The following ENOSF1 variants were observed in gnomAD, a reference collection of about 807,000 sequenced individuals.
ENOSF1 encodes the protein enolase superfamily member 1.
ENOSF1 carries 73 observed loss-of-function variants against 68.2 expected under a neutral mutation model. That is an observed-to-expected ratio of 1.07 (90% CI 0.89 to 1.30). The LOEUF (loss-of-function observed/expected upper bound fraction) is 1.30. ENOSF1 is among the 50% of genes most tolerant of loss of function. The pLI is 0.00. For synonymous variants in ENOSF1, 223 were observed against 210.4 expected (o/e 1.06, Z -0.52); for missense variants, 589 against 554.5 (o/e 1.06, Z -0.62).
intron 2 of ENOSF1, among the ~76,000 whole-genome samples, chr18:699,025 T>C (rs2078044582): frequency 6.6e-6 from 1 of 152,142 alleles, no homozygotes; most frequent in South Asian, 2.1e-4. Flanking sequence ...TTTTTAAATT[T>C]TTTGTAGTGA....
At chr18:704,111 C>T (rs997936237) in intron 2 of ENOSF1, among the ~76,000 whole-genome samples, 4 of 152,028 alleles carry the variant, frequency 2.6e-5, no homozygotes, top group African/African-American at 9.7e-5. Flanking sequence ...TATAAATTAT[C>T]CAGTCTCTCG....
chr18:664,201 G>T, the ENOSF1 span, among the ~76,000 whole-genome samples: 1 of 151,918 alleles, frequency 6.6e-6, no homozygotes, highest in Non-Finnish European at 1.5e-5. Flanking sequence ...ATTGAGCAGT[G>T]GTTTGTAGTT....
chr18:670,519 C>T lies in ENOSF1; in HGVS notation c.*3786G>A, dbSNP rs1252918547. 1.4e-5 allele frequency: 9 copies of T among 640,212 alleles called. No homozygotes were observed. The highest frequency in any genetic ancestry group is 2.1e-5 in the Non-Finnish European group (8 of 373,350). 39.7% of individuals were successfully genotyped at this position (640,212 alleles called of 1,614,324 possible). ...CCTTGCACCGATGGATAGTCTCCCTCAGCTCCGTGCCATCGCTGCAGAGGC... is the reference window on the plus strand; with the variant it reads ...CCTTGCACCGATGGATAGTCTCCCTTAGCTCCGTGCCATCGCTGCAGAGGC... On this transcript the variant is annotated 3_prime_UTR_variant, in exon 16 of 16. Transcript: ENST00000647584.
chr18:693,762 A>T, intron 5 of ENOSF1, 120 bp downstream of exon 5: 1 of 1,494,450 alleles, frequency 6.7e-7, no homozygotes, highest in Non-Finnish European at 8.9e-7. Flanking sequence ...TTTTTGCTTT[A>T]TCATCGCTAT....
At chr18:700,549 C>T (rs946815540) in intron 2 of ENOSF1, among the ~76,000 whole-genome samples, 6 of 152,134 alleles carry the variant, frequency 3.9e-5, no homozygotes, top group African/African-American at 1.4e-4. Flanking sequence ...ATGGATTTTT[C>T]TTGCTCAACA....
chr18:683,597 A>C (rs913657735), intron 10 of ENOSF1, among the ~76,000 whole-genome samples: 7 of 151,970 alleles, frequency 4.6e-5, no homozygotes, highest in African/African-American at 1.7e-4. Flanking sequence ...CTTTAGGAGG[A>C]GCCGTGAATC....
Position 671,442 on chromosome 18 carries a change from G to A in ENOSF1, c.*2863C>T, listed in dbSNP as rs549187782. ...TTTACCTGAATCACATCGAGCCACT[G>A]AAAATTCAGGTAAGAATTAGATGTT... On this transcript the variant is annotated 3_prime_UTR_variant, in exon 16 of 16. Coordinates refer to ENST00000647584, the MANE Select transcript of ENOSF1 (RefSeq NM_017512.7). The A allele has an allele frequency of 1.4e-5, 23 of 1,608,162 alleles. No homozygotes were observed. The African/African-American group carries it at 2.4e-4, about 17-fold the overall frequency.
chr18:664,746 A>C, the ENOSF1 span, among the ~76,000 whole-genome samples: 1 of 150,810 alleles, frequency 6.6e-6, no homozygotes, highest in Non-Finnish European at 1.5e-5. Context: ...GAATTTTGTC[A>C]AAGGCCTTTT....
chr18:664,549 A>G, the ENOSF1 span, among the ~76,000 whole-genome samples: 3 of 135,692 alleles, frequency 2.2e-5, no homozygotes, highest in Non-Finnish European at 4.7e-5. Context: ...AACTTCCAAC[A>G]CTATGTTGAA....
chr18:684,522 C>G (rs1453221392), intron 10 of ENOSF1, among the ~76,000 whole-genome samples: 2 of 151,922 alleles, frequency 1.3e-5, no homozygotes, highest in African/African-American at 2.4e-5. Flanking sequence ...GAGTGAGACC[C>G]TATCTCAAAA....
downstream of ENOSF1, chr18:669,319 C>A: frequency 5.6e-5 from 30 of 535,614 alleles, no homozygotes; most frequent in Middle Eastern, 3.0e-4. Flanking sequence ...GGGCAAGTCA[C>A]ATTTTGCTGC....
intron 2 of ENOSF1, among the ~76,000 whole-genome samples, chr18:699,805 C>T (rs138777762): frequency 6.6e-6 from 1 of 152,112 alleles, no homozygotes. Context: ...CCAGGCTGGG[C>T]GCGGTGGCTC....
downstream of ENOSF1, among the ~76,000 whole-genome samples, chr18:670,121 G>A (rs1346877497): frequency 1.3e-5 from 2 of 151,210 alleles, no homozygotes; most frequent in Admixed American, 1.3e-4. Flanking sequence ...TCCGCTCACG[G>A]CAACCTCCAT....
chr18:667,565 T>A (rs201179564), downstream of ENOSF1, among the ~76,000 whole-genome samples: 139 of 60,260 alleles, frequency 2.3e-3, 18 homozygotes, highest in Admixed American at 3.7e-3. Flanking sequence ...ATGGTGATGG[T>A]GATGGAGATG....
rs761808513 is a variant in ENOSF1 at position 691,223 on chromosome 18, C to T, written c.477G>A (p.Leu159=). 1.2e-6 allele frequency: 2 copies of T among 1,614,174 alleles called. No homozygotes were observed. The highest frequency in any genetic ancestry group is 8.5e-7 in the Non-Finnish European group (1 of 1,180,028). ...ACTCACCTAGGGCATCCTCCTCAGT[C>T]AGGACATCAGTGATGTACCTGAAAT... is the stretch of plus-strand genomic sequence containing the variant. ...CIDFRYITDV[L]TEEDALEILQ... is the part of the protein sequence containing the mutation. The change falls in exon 6 of 16, where the codon CTG becomes CTA. Residue 159 remains leucine (L), a synonymous_variant. Transcript: ENST00000647584.
At chr18:683,064 G>A in intron 11 of ENOSF1, 182 bp downstream of exon 11, 2 of 722,752 alleles carry the variant, frequency 2.8e-6, no homozygotes, top group Non-Finnish European at 4.4e-6. Context: ...AGTATAAGCT[G>A]AAGTAGAAAA....
intron 3 of ENOSF1, among the ~76,000 whole-genome samples, chr18:695,724 C>T (rs553722806): frequency 1.3e-5 from 2 of 152,094 alleles, no homozygotes; most frequent in African/African-American, 4.8e-5. Context: ...GGATTATAGG[C>T]GTGAGCTACT....
chr18:702,893 T>C (rs564482280), intron 2 of ENOSF1, among the ~76,000 whole-genome samples: 1 of 152,324 alleles, frequency 6.6e-6, no homozygotes, highest in African/African-American at 2.4e-5. Context: ...ACCCTCCCTC[T>C]CTGTCTCACA....
At chr18:691,305 C>T (rs114664632) in intron 5 of ENOSF1, 29 bp from the exon 6 acceptor site, 1 of 1,570,284 alleles carries the variant, frequency 6.4e-7, no homozygotes, top group South Asian at 1.1e-5. Flanking sequence ...GGGAAGAGGC[C>T]TGAATCAATT....
Sources: gnomAD v4.1 joint callset for allele counts (sites outside exome capture counted in the v4.1 genomes callset) on GRCh38, gnomAD v4.1.1 for gene constraint, MANE v1.5 for transcripts, NCBI Gene and HGNC (gene_info 2026-07-23, HGNC 2026-07-21) for gene names.